PXMP4: variants seen among roughly 807,000 people sequenced by gnomAD.
PXMP4 encodes 24 kDa peroxisomal intrinsic membrane protein.
PXMP4 carries 16 observed loss-of-function variants against 21.6 expected under a neutral mutation model. The ratio of observed to expected loss-of-function variants is 0.74; its 90% CI spans 0.50 to 1.13. The LOEUF is 1.13. Among genes scored for constraint, PXMP4 ranks in the 50% most tolerant of loss-of-function variants. The pLI is 0.00. For synonymous variants in PXMP4, 127 were observed against 123.8 expected, an observed-to-expected ratio of 1.03 and a Z score of -0.17; for missense variants, 240 against 277.7, an observed-to-expected ratio of 0.86 and a Z score of 0.96.
chr20:33,715,592 A>C (rs140128823), intron 1 of PXMP4, among the ~76,000 whole-genome samples: 3,259 of 148,672 alleles, frequency 0.022, 106 homozygotes, highest in African/African-American at 0.076. Context: ...TGCCTGGCTA[A>C]TTTTTGTATT....
Position 33,707,449 on chromosome 20 carries a change from T to TAGATCTC in PXMP4, c.*256_*257insGAGATCT. 2.1e-6 allele frequency: 1 copy of TAGATCTC among 486,746 alleles called. No homozygotes were observed. Among genetic ancestry groups the TAGATCTC allele is most frequent in the South Asian group, 2.4e-5 (1 of 42,398 alleles). The allele number at this position is 486,746 out of a possible 1,614,324, so 30.2% of individuals were successfully genotyped here. On this transcript the variant is annotated 3_prime_UTR_variant, in exon 4 of 4. Transcript: ENST00000409299. ...GACCCCTGAGGCCTAGAGAGTAGTGTGGCTGGCCCCAGTCTCACAGAAGTC... is the reference window on the plus strand; with the variant it reads ...GACCCCTGAGGCCTAGAGAGTAGTGTAGATCTCGGCTGGCCCCAGTCTCACAGAAGTC...
Position 33,707,499 on chromosome 20 carries a change from T to A in PXMP4, c.*207A>T. 1 of 691,632 alleles carries A rather than the reference T, an allele frequency of 1.4e-6. No homozygotes were observed. The highest frequency in any genetic ancestry group is 2.3e-6 in the Non-Finnish European group (1 of 434,684). The allele number at this position is 691,632 out of a possible 1,614,324, so 42.8% of individuals were successfully genotyped here. On this transcript the variant is annotated 3_prime_UTR_variant, in exon 4 of 4. Coordinates refer to ENST00000409299, the MANE Select transcript of PXMP4 (RefSeq NM_007238.5). Reference sequence around the variant, plus strand: ...CAGCTGCACAGCTGGAACCAAGCCGTAGATTCCTCAGCCTGATTCGGCCAC... The same window carrying A: ...CAGCTGCACAGCTGGAACCAAGCCGAAGATTCCTCAGCCTGATTCGGCCAC...
At chr20:33,719,715 C>T (rs920691047) in intron 1 of PXMP4, among the ~76,000 whole-genome samples, 2 of 152,186 alleles carry the variant, frequency 1.3e-5, no homozygotes, top group South Asian at 2.1e-4. Context: ...AGGAGGCATC[C>T]GCCTGCCAGC....
rs1273540091 is a variant in PXMP4, at chr20:33,706,162, GT to G, written c.*1543del. 2 of 151,972 alleles carry G rather than the reference GT, an allele frequency of 1.3e-5. No individual in the cohort carries two copies. The highest frequency in any genetic ancestry group is 2.9e-5 in the Non-Finnish European group (2 of 68,020). 9.4% of individuals were successfully genotyped at this position (151,972 alleles called of 1,614,324 possible). On this transcript the variant is annotated 3_prime_UTR_variant, in exon 4 of 4. Coordinates refer to ENST00000409299, the MANE Select transcript of PXMP4 (RefSeq NM_007238.5). ...GCTGGTCAAGAACTCCTGATCTCAG[GT>G]TATCTGCCTGCCTCAGCCTCCCAAA...
rs1405434066 is a variant in PXMP4, at chr20:33,702,872, A to G, written c.*4834T>C. The G allele has an allele frequency of 6.6e-6, 1 of 152,176 alleles. No homozygotes were observed. The highest frequency in any genetic ancestry group is 1.5e-5 in the Non-Finnish European group (1 of 68,040). The allele number at this position is 152,176 out of a possible 1,614,324, so 9.4% of individuals were successfully genotyped here. On this transcript the variant is annotated 3_prime_UTR_variant, in exon 4 of 4. Transcript: ENST00000409299. Reference sequence around the variant, plus strand: ...TCTATTTCAGGAACTAGCATTTAGGAAGCATAGCACTTACTGTGCAACAAG... The same window carrying G: ...TCTATTTCAGGAACTAGCATTTAGGGAGCATAGCACTTACTGTGCAACAAG...
intron 2 of PXMP4, among the ~76,000 whole-genome samples, chr20:33,713,843 A>G (rs972038180): frequency 1.3e-5 from 2 of 152,242 alleles, no homozygotes; most frequent in Non-Finnish European, 2.9e-5. Context: ...ATTAAACACT[A>G]GACCGCAACC....
Position 33,720,079 on chromosome 20 carries a change from C to G in PXMP4, c.113+16G>C. 1 of 1,611,204 alleles carries G rather than the reference C, an allele frequency of 6.2e-7. No individual in the cohort carries two copies. The highest frequency in any genetic ancestry group is 8.5e-7 in the Non-Finnish European group (1 of 1,177,970). On this transcript the variant is annotated intron_variant, in intron 1 of 3. Coordinates refer to ENST00000409299, the MANE Select transcript of PXMP4 (RefSeq NM_007238.5). The stretch of plus-strand genomic sequence containing the variant: ...GACATCCCTCAGCCCCAGCCCGGCC[C>G]GACGGCCCCACTCACACAGCCCCGT...
rs1436919630 is a variant in PXMP4 at position 33,707,969 on chromosome 20, T to G, written c.376A>C (p.Ile126Leu). The change falls in exon 4 of 4, where the codon ATC becomes CTC. Residue 126 changes from isoleucine to leucine, a missense_variant and splice_region_variant. Transcript: ENST00000409299. ...ACGCGTGACAACAGGTACATGTTGATCTGCAAAGAGGGAATGATGGGAATT... is the reference window on the plus strand; with the variant it reads ...ACGCGTGACAACAGGTACATGTTGAGCTGCAAAGAGGGAATGATGGGAATT... The part of the protein sequence containing the change: ...FGENNNINSQ[I>L]NMYLLSRVLF... 1 of 1,611,454 alleles carries G rather than the reference T, an allele frequency of 6.2e-7. No individual in the cohort carries two copies. The highest frequency in any genetic ancestry group is 1.3e-5 in the African/African-American group (1 of 74,888).
Position 33,720,082 on chromosome 20 carries a change from C to T in PXMP4, c.113+13G>A, listed in dbSNP as rs946990441. On this transcript the variant is annotated intron_variant, in intron 1 of 3. Transcript: ENST00000409299. ...ATCCCTCAGCCCCAGCCCGGCCCGACGGCCCCACTCACACAGCCCCGTTCC... is the reference window on the plus strand; with the variant it reads ...ATCCCTCAGCCCCAGCCCGGCCCGATGGCCCCACTCACACAGCCCCGTTCC... 7 of 1,611,126 alleles carry T rather than the reference C, an allele frequency of 4.3e-6. No individual in the cohort carries two copies. In the African/African-American group the frequency reaches 5.3e-5, roughly 12 times the overall value.
rs147652577 is a variant in PXMP4 at position 33,707,817 on chromosome 20, G to A, written c.528C>T (p.Ser176=). The A allele has an allele frequency of 1.6e-5, 26 of 1,614,048 alleles. 1 individual carries two copies. In the Admixed American group the frequency reaches 2.0e-4, roughly 12 times the overall value. Reference sequence around the variant, plus strand: ...AGGACTGCAGCGAGGGCTGCAGGGTGGATCGGTGATACTCAAAGAGCCACA... The same window carrying A: ...AGGACTGCAGCGAGGGCTGCAGGGTAGATCGGTGATACTCAAAGAGCCACA... ...LVLWLFEYHR[S]TLQPSLQSSM... The change falls in exon 4 of 4, where the codon TCC becomes TCT. Residue 176 remains serine, a synonymous_variant. Transcript: ENST00000409299.
Position 33,707,529 on chromosome 20 carries a change from G to T in PXMP4, c.*177C>A. ...TCCTCAGCCTGATTCGGCCACTTGT[G>T]CCACCATACAAAGGTACCCACTGGG... On this transcript the variant is annotated 3_prime_UTR_variant, in exon 4 of 4. Coordinates refer to ENST00000409299, the MANE Select transcript of PXMP4 (RefSeq NM_007238.5). 3.3e-6 allele frequency: 3 copies of T among 920,024 alleles called. No homozygotes were observed. The highest frequency in any genetic ancestry group is 2.7e-5 in the East Asian group (1 of 36,562). 57.0% of individuals were successfully genotyped at this position (920,024 alleles called of 1,614,324 possible).
rs1331954046 is a variant in PXMP4, at chr20:33,706,569, A to G, written c.*1137T>C. The G allele has an allele frequency of 6.6e-6, 1 of 152,162 alleles. No individual in the cohort carries two copies. Among genetic ancestry groups the G allele is most frequent in the Non-Finnish European group, 1.5e-5 (1 of 68,032 alleles). The allele number at this position is 152,162 out of a possible 1,614,324, so 9.4% of individuals were successfully genotyped here. ...ACGGCATTATGATTATCCTCATTTT[A>G]TGATAAATTGAGGCTCTGAGAGGTC... On this transcript the variant is annotated 3_prime_UTR_variant, in exon 4 of 4. Transcript: ENST00000409299.
At chr20:33,713,724 G>GA (rs1375357848) in intron 2 of PXMP4, among the ~76,000 whole-genome samples, 1 of 152,140 alleles carries the variant, frequency 6.6e-6, no homozygotes, top group African/African-American at 2.4e-5. Context: ...AAACAAAATA[G>GA]AAAAAAATAA....
At chr20:33,715,187 C>G (rs1030978796) in intron 1 of PXMP4, among the ~76,000 whole-genome samples, 1 of 152,222 alleles carries the variant, frequency 6.6e-6, no homozygotes, top group Non-Finnish European at 1.5e-5. Flanking sequence ...GTCGCCCAGG[C>G]TGGAGTACAG....
chr20:33,707,865 A>G lies in PXMP4; in HGVS notation c.480T>C (p.Thr160=). Residue 160 remains threonine (T), a synonymous_variant, in exon 4 of 4, where the codon ACT becomes ACC. Transcript: ENST00000409299. Reference sequence around the variant, plus strand: ...ACAGCACCAGCCCCCACACCACCGCAGTGAGCAGCGGGAACGGGTCCCACC... The same window carrying G: ...ACAGCACCAGCCCCCACACCACCGCGGTGAGCAGCGGGAACGGGTCCCACC... ...EPRWDPFPLL[T]AVVWGLVLWL... 6.2e-7 allele frequency: 1 copy of G among 1,614,168 alleles called. No individual in the cohort carries two copies. Among genetic ancestry groups the G allele is most frequent in the South Asian group, 1.1e-5 (1 of 91,082 alleles).
At position 33,705,734 on chromosome 20, in the gene PXMP4, T is replaced by C. The variant is rs2018250958; in HGVS notation, c.*1972A>G. The C allele has an allele frequency of 6.6e-6, 1 of 152,192 alleles. No individual in the cohort carries two copies. The highest frequency in any genetic ancestry group is 2.4e-5 in the African/African-American group (1 of 41,462). The allele number at this position is 152,192 out of a possible 1,614,324, so 9.4% of individuals were successfully genotyped here. A position where few individuals can be genotyped will look rare whatever the true frequency, so the allele number is the denominator to read the frequency against. ...GGGCATTTGAATGTGTACCCCTTTC[T>C]GGCCCATATCCTATAATGAGCTAAC... On this transcript the variant is annotated 3_prime_UTR_variant, in exon 4 of 4. Transcript: ENST00000409299.
chr20:33,709,428 TAA>T (rs1481334497), intron 3 of PXMP4, among the ~76,000 whole-genome samples: 6 of 152,212 alleles, frequency 3.9e-5, no homozygotes, highest in African/African-American at 7.2e-5. Flanking sequence ...TAGAGTGTAT[TAA>T]GTTTTCTTTT....
intron 2 of PXMP4, among the ~76,000 whole-genome samples, chr20:33,712,439 C>T (rs2018337722): frequency 1.3e-5 from 2 of 152,042 alleles, no homozygotes; most frequent in African/African-American, 4.8e-5. Flanking sequence ...TGTTCTTAAC[C>T]TGGCAGCAAT....
At chr20:33,709,808 A>G (rs1317501219) in intron 3 of PXMP4, among the ~76,000 whole-genome samples, 1 of 71,008 alleles carries the variant, frequency 1.4e-5, no homozygotes, top group African/African-American at 5.6e-5. Context: ...ACGCCCCTTC[A>G]CCCACCCATA....
Sources: allele counts gnomAD v4.1 joint callset (sites outside exome capture counted in the v4.1 genomes callset), GRCh38; gene constraint gnomAD v4.1.1; transcripts MANE v1.5; gene names NCBI Gene and HGNC (gene_info 2026-07-23, HGNC 2026-07-21).